Variants in ABCA10 observed in about 807,000 individuals in gnomAD.
ABCA10 encodes ATP binding cassette subfamily A member 10.
Under a neutral mutation model 187.5 loss-of-function variants are expected in ABCA10, and 169 were observed. The observed-to-expected ratio is 0.90, with a 90% CI of 0.80 to 1.02. ABCA10 has a LOEUF of 1.02. Ranked by LOEUF, ABCA10 falls within the 50% of genes least tolerant of loss-of-function variation. The pLI, the probability that ABCA10 is intolerant of heterozygous loss-of-function variation, is 0.00. For missense variants in ABCA10, 1,727 were observed against 1,812.4 expected (o/e 0.95, Z 0.86); for synonymous variants, 574 against 601.8 (o/e 0.95, Z 0.68).
intron 9 of ABCA10, among the ~76,000 whole-genome samples, chr17:69,205,935 T>G (rs1403063200): frequency 6.6e-6 from 1 of 152,228 alleles, no homozygotes; most frequent in Non-Finnish European, 1.5e-5. Flanking sequence ...CTCAGTTCGA[T>G]GTAAAACTTG....
intron 36 of ABCA10, 69 bp from the exon 37 acceptor site, chr17:69,150,132 C>T (rs2074117406): frequency 8.7e-7 from 1 of 1,148,198 alleles, no homozygotes; most frequent in East Asian, 2.4e-5. Context: ...AATTAATAGG[C>T]AAAGTAAAAT....
intron 9 of ABCA10, among the ~76,000 whole-genome samples, chr17:69,209,026 G>A (rs2074614705): frequency 1.3e-5 from 2 of 152,130 alleles, no homozygotes; most frequent in Non-Finnish European, 2.9e-5. Flanking sequence ...TGGGTAGCAG[G>A]GAGACCCTAT....
chr17:69,155,206 C>T, intron 29 of ABCA10, 70 bp from the exon 30 acceptor site: 3 of 1,266,216 alleles, frequency 2.4e-6, no homozygotes, highest in South Asian at 2.6e-5. Flanking sequence ...GTTTTATTTT[C>T]CATTCCCTAG....
rs1555662880 is a variant in ABCA10 at position 69,210,865 on chromosome 17, T to TGC, written c.1006+3837_1006+3838dup. On this transcript the variant is annotated intron_variant, in intron 9 of 38. Coordinates refer to ENST00000690296, the MANE Select transcript of ABCA10 (RefSeq NM_001377321.1). ...TATGCCACATATATATATATATATA[T>TGC]GCCATATTTCCTTTACCCACTCATT... is the stretch of plus-strand genomic sequence containing the variant. Among the ~76,000 whole-genome samples, 20 of 145,516 alleles carry TGC rather than the reference T, an allele frequency of 1.4e-4. 1 individual carries two copies. Among genetic ancestry groups the TGC allele is most frequent in the African/African-American group, 5.4e-4 (20 of 36,934 alleles).
chr17:69,194,536 A>G (rs773830250), intron 11 of ABCA10, 41 bp from the exon 12 acceptor site: 9 of 1,460,694 alleles, frequency 6.2e-6, no homozygotes, highest in African/African-American at 1.4e-5. Context: ...TTTGGATTAT[A>G]TGCAGATGGA....
intron 22 of ABCA10, among the ~76,000 whole-genome samples, chr17:69,178,488 T>C (rs1037969232): frequency 2.0e-5 from 3 of 152,168 alleles, no homozygotes; most frequent in Non-Finnish European, 4.4e-5. Flanking sequence ...TCTCTGGGGA[T>C]GGTGTCCAGT....
chr17:69,210,014 T>C (rs1322269087), intron 9 of ABCA10, among the ~76,000 whole-genome samples: 1 of 151,896 alleles, frequency 6.6e-6, no homozygotes, highest in African/African-American at 2.4e-5. Flanking sequence ...TTTAGGATTA[T>C]ATGTGCACAC....
chr17:69,184,869 GTGTA>G (rs1390699013), intron 20 of ABCA10, among the ~76,000 whole-genome samples: 7 of 137,378 alleles, frequency 5.1e-5, no homozygotes, highest in African/African-American at 2.2e-4. Flanking sequence ...GTGTGTGTGT[GTGTA>G]TATATATACA....
rs769935609 is a variant in ABCA10 at position 69,148,940 on chromosome 17, A to T, written c.4534-15T>A. ...TCTAAGAATACCTAAGTAAGAGAAAATAAAAAAGATACAAAAATGTCAGGG... is the reference window on the plus strand; with the variant it reads ...TCTAAGAATACCTAAGTAAGAGAAATTAAAAAAGATACAAAAATGTCAGGG... On this transcript the variant is annotated splice_polypyrimidine_tract_variant and intron_variant, in intron 38 of 38. Coordinates refer to ENST00000690296, the MANE Select transcript of ABCA10 (RefSeq NM_001377321.1). The T allele has an allele frequency of 1.9e-6, 3 of 1,613,006 alleles. No homozygotes were observed. Among genetic ancestry groups the T allele is most frequent in the South Asian group, 2.2e-5 (2 of 91,022 alleles).
intron 27 of ABCA10, among the ~76,000 whole-genome samples, chr17:69,163,064 T>C (rs1300885542): frequency 1.3e-5 from 2 of 152,168 alleles, no homozygotes; most frequent in Non-Finnish European, 2.9e-5. Context: ...CTTGAATTCC[T>C]GACCTCAGGT....
chr17:69,154,184 A>G, intron 31 of ABCA10, 51 bp downstream of exon 31: 1 of 1,501,898 alleles, frequency 6.7e-7, no homozygotes, highest in Non-Finnish European at 9.1e-7. Context: ...TAGGAATAAT[A>G]GAAAGATGTC....
In ABCA10 at chr17:69,182,709, T is replaced by C. The variant is rs1488725266; in HGVS notation, c.2597A>G (p.Tyr866Cys). Reference sequence around the variant, plus strand: ...ACCAGACACTATGATGGCTCCATTGTAGGAGGGATCATCTGAGCCATTTCT... The same window carrying C: ...ACCAGACACTATGATGGCTCCATTGCAGGAGGGATCATCTGAGCCATTTCT... ...RNRNGSDDPS[Y>C]NGAIIVSGDQ... The change falls in exon 21 of 39, where the codon TAC (tyrosine) becomes TGC (cysteine). Residue 866 changes from tyrosine (Y) to cysteine (C), a missense_variant. Physicochemically the swap from Tyr to Cys is radical, Grantham distance 194 (BLOSUM62 -2). Coordinates refer to ENST00000690296, the MANE Select transcript of ABCA10 (RefSeq NM_001377321.1). 9 of 1,609,382 alleles carry C rather than the reference T, an allele frequency of 5.6e-6. No homozygotes were observed. Among genetic ancestry groups the C allele is most frequent in the East Asian group, 2.2e-5 (1 of 44,792 alleles).
At chr17:69,187,421 G>C (rs922490009) in intron 19 of ABCA10, among the ~76,000 whole-genome samples, 1 of 152,040 alleles carries the variant, frequency 6.6e-6, no homozygotes, top group South Asian at 2.1e-4. Context: ...AGTCAGCACA[G>C]GGAGACAGAT....
rs1462337850 is a variant in ABCA10 at position 69,223,759 on chromosome 17, A to G, written c.35-1062T>C. The stretch of plus-strand genomic sequence containing the variant: ...AGGCCAAACCATGAATATTTATGCT[A>G]AAAAGCAAGAGTTAGATAAATGTAG... On this transcript the variant is annotated intron_variant, in intron 3 of 38. Transcript: ENST00000690296. 7 of 379,588 alleles carry G rather than the reference A, an allele frequency of 1.8e-5. 1 individual carries two copies. The highest frequency in any genetic ancestry group is 9.6e-5 in the South Asian group (5 of 51,980). 23.5% of individuals were successfully genotyped at this position (379,588 alleles called of 1,614,324 possible). A position where few individuals can be genotyped will look rare whatever the true frequency, so the allele number is the denominator to read the frequency against.
intron 21 of ABCA10, 138 bp from the exon 22 acceptor site, chr17:69,182,428 A>G (rs566171542): frequency 2.0e-6 from 2 of 978,856 alleles, no homozygotes; most frequent in Admixed American, 3.7e-5. Context: ...CCTTCTTTGA[A>G]TTGGTACAAG....
intron 8 of ABCA10, 78 bp from the exon 9 acceptor site, chr17:69,214,929 G>T: frequency 9.8e-7 from 1 of 1,024,906 alleles, no homozygotes; most frequent in Non-Finnish European, 1.4e-6. Context: ...AAAAATAGTG[G>T]TACCTAGAGA....
At chr17:69,202,230 G>A (rs1352221483) in intron 9 of ABCA10, among the ~76,000 whole-genome samples, 1 of 152,070 alleles carries the variant, frequency 6.6e-6, no homozygotes, top group East Asian at 1.9e-4. Flanking sequence ...CAAACATCAA[G>A]AACTTCACTT....
At chr17:69,214,580 G>A (rs988263970) in intron 9 of ABCA10, 124 bp downstream of exon 9, 5 of 837,780 alleles carry the variant, frequency 6.0e-6, no homozygotes, top group Non-Finnish European at 8.5e-6. Context: ...AAATTCTATT[G>A]TTTTGAAATT....
intron 1 of ABCA10, among the ~76,000 whole-genome samples, chr17:69,243,817 G>C (rs549941781): frequency 2.0e-5 from 3 of 152,316 alleles, no homozygotes; most frequent in Admixed American, 1.3e-4. Context: ...AGGATCACCT[G>C]AGCCTGGGAG....
Sources: allele counts gnomAD v4.1 joint callset (sites outside exome capture counted in the v4.1 genomes callset), GRCh38; gene constraint gnomAD v4.1.1; transcripts MANE v1.5; gene names NCBI Gene and HGNC (gene_info 2026-07-23, HGNC 2026-07-21).